NAA30: variants seen among roughly 807,000 people sequenced by gnomAD.
NAA30 encodes N-alpha-acetyltransferase 30, NatC catalytic subunit.
NAA30 carries 5 observed loss-of-function variants against 31.4 expected under a neutral mutation model. That is an observed-to-expected ratio of 0.16 (90% CI 0.08 to 0.33). The LOEUF is 0.33. NAA30 is among the 10% of genes least tolerant of loss of function. The pLI, the probability that NAA30 is intolerant of heterozygous loss-of-function variation, is 1.00. For synonymous variants in NAA30, 222 were observed against 207.1 expected (o/e 1.07, Z -0.62); for missense variants, 428 against 490.8 (o/e 0.87, Z 1.21).
intron 3 of NAA30, among the ~76,000 whole-genome samples, chr14:57,398,443 T>C (rs2066460311): frequency 6.6e-6 from 1 of 151,978 alleles, no homozygotes; most frequent in African/African-American, 2.4e-5. Context: ...GGCTTGAAAA[T>C]TAAGAGTTTT....
intron 3 of NAA30, among the ~76,000 whole-genome samples, chr14:57,397,485 G>C (rs2066456100): frequency 6.6e-6 from 1 of 152,122 alleles, no homozygotes; most frequent in Non-Finnish European, 1.5e-5. Flanking sequence ...ACATGTATTT[G>C]GGCCCCTCAC....
chr14:57,390,993 C>T lies in NAA30; in HGVS notation c.36C>T (p.Leu12=), dbSNP rs1000122064. The change falls in exon 2 of 5, where the codon CTC becomes CTT. Residue 12 remains leucine, a synonymous_variant. Transcript: ENST00000556492. ...AEVPPGPSSL[L]PPPAPPAPAA... ...TACCGCCTGGGCCTAGCAGCCTCCT[C>T]CCACCACCAGCACCTCCGGCCCCGG... is the stretch of plus-strand genomic sequence containing the variant. 3.3e-6 allele frequency: 5 copies of T among 1,495,760 alleles called. No homozygotes were observed. In the South Asian group the frequency reaches 6.9e-5, roughly 21 times the overall value. The allele number at this position is 1,495,760 out of a possible 1,614,324, so 92.7% of individuals were successfully genotyped here. A position where few individuals can be genotyped will look rare whatever the true frequency, so the allele number is the denominator to read the frequency against.
chr14:57,396,988 G>T, intron 3 of NAA30, 113 bp downstream of exon 3: 1 of 975,366 alleles, frequency 1.0e-6, no homozygotes, highest in Non-Finnish European at 1.4e-6. Context: ...ACTAAGGGAA[G>T]AAAATTAAGG....
At position 57,409,486 on chromosome 14, in the gene NAA30, T is replaced by C. The variant is rs1424953722; in HGVS notation, c.1059T>C (p.Asp353=). 1.1e-5 allele frequency: 17 copies of C among 1,607,386 alleles called. No individual in the cohort carries two copies. The South Asian group carries it at 1.9e-4, about 18-fold the overall frequency. The change falls in exon 5 of 5, where the codon GAT becomes GAC. Residue 353 remains aspartate, a synonymous_variant. Transcript: ENST00000556492. ...TCAGATACTATTTAAATGGAGTTGA[T>C]GCACTGCGACTTAAACTGTGGCTGC... ...RLFRYYLNGV[D]ALRLKLWLR
chr14:57,395,005 C>T (rs967856372), intron 2 of NAA30, among the ~76,000 whole-genome samples: 6 of 152,018 alleles, frequency 3.9e-5, no homozygotes, highest in East Asian at 1.9e-4. Context: ...TCTGTATATA[C>T]GCACATATAT....
At position 57,409,668 on chromosome 14, in the gene NAA30, CACT is replaced by C; in HGVS notation, c.*153_*155del. The C allele has an allele frequency of 1.5e-6, 1 of 657,610 alleles. No homozygotes were observed. Among genetic ancestry groups the C allele is most frequent in the Non-Finnish European group, 2.3e-6 (1 of 431,166 alleles). 40.7% of individuals were successfully genotyped at this position (657,610 alleles called of 1,614,324 possible). A position where few individuals can be genotyped will look rare whatever the true frequency, so the allele number is the denominator to read the frequency against. On this transcript the variant is annotated 3_prime_UTR_variant, in exon 5 of 5. Coordinates refer to ENST00000556492, the MANE Select transcript of NAA30 (RefSeq NM_001011713.3). Reference sequence around the variant, plus strand: ...ATTGAGTGTCGCACAATATTTGTTGCACTTTGGCATGGCACATTTGTTCTGAAT... The same window carrying C: ...ATTGAGTGTCGCACAATATTTGTTGCTTGGCATGGCACATTTGTTCTGAAT...
At chr14:57,406,601 C>G (rs2066499133) in intron 4 of NAA30, among the ~76,000 whole-genome samples, 1 of 152,174 alleles carries the variant, frequency 6.6e-6, no homozygotes, top group Non-Finnish European at 1.5e-5. Flanking sequence ...TTACATTGCA[C>G]ATAGTACAGC....
Position 57,391,699 on chromosome 14 carries a change from A to G in NAA30, c.742A>G (p.Ile248Val), listed in dbSNP as rs765689678. The G allele has an allele frequency of 6.2e-7, 1 of 1,611,774 alleles. No individual in the cohort carries two copies. The highest frequency in any genetic ancestry group is 8.5e-7 in the Non-Finnish European group (1 of 1,178,732). Residue 248 changes from isoleucine (I) to valine (V), a missense_variant, in exon 2 of 5, where the codon ATC becomes GTC. Ile to Val is a conservative substitution (Grantham distance 29, BLOSUM62 3). Transcript: ENST00000556492. The surrounding 1 kb of genome is among the most constrained non-coding windows in gnomAD (Gnocchi z 4.1). Reference sequence around the variant, plus strand: ...CTCCATTTATACCTATAGATATTTTATCCACAACTGGCCACAGCTGTGCTT... The same window carrying G: ...CTCCATTTATACCTATAGATATTTTGTCCACAACTGGCCACAGCTGTGCTT... ...PYSIYTYRYF[I>V]HNWPQLCFLA...
At position 57,391,812 on chromosome 14, in the gene NAA30, G is replaced by GC; in HGVS notation, c.771+84_771+85insC. Reference sequence around the variant, plus strand: ...GGGAGTGAGGGCCCAGAATGTGGCAGTGGATATCTCCTGCTGCGTATCATA... The same window carrying GC: ...GGGAGTGAGGGCCCAGAATGTGGCAGCTGGATATCTCCTGCTGCGTATCATA... On this transcript the variant is annotated intron_variant, in intron 2 of 4. Coordinates refer to ENST00000556492, the MANE Select transcript of NAA30 (RefSeq NM_001011713.3). The surrounding 1 kb of genome is among the most constrained non-coding windows in gnomAD (Gnocchi z 4.1). 1.9e-6 allele frequency: 2 copies of GC among 1,037,274 alleles called. No homozygotes were observed. The highest frequency in any genetic ancestry group is 1.6e-5 in the African/African-American group (1 of 62,746). The allele number at this position is 1,037,274 out of a possible 1,614,324, so 64.3% of individuals were successfully genotyped here.
rs2066533434 is a variant in NAA30 at position 57,413,626 on chromosome 14, G to A, written c.*4110G>A. On this transcript the variant is annotated 3_prime_UTR_variant, in exon 5 of 5. Coordinates refer to ENST00000556492, the MANE Select transcript of NAA30 (RefSeq NM_001011713.3). ...TGTGCCTTAGCCTCCTGAGTAGCTG[G>A]GACTACAGGTGCATGCCACCACGCC... 6.6e-6 allele frequency: 1 copy of A among 152,178 alleles called. No individual in the cohort carries two copies. Among genetic ancestry groups the A allele is most frequent in the Non-Finnish European group, 1.5e-5 (1 of 68,112 alleles). The allele number at this position is 152,178 out of a possible 1,614,324, so 9.4% of individuals were successfully genotyped here. A position where few individuals can be genotyped will look rare whatever the true frequency, so the allele number is the denominator to read the frequency against.
At chr14:57,390,731 T>G in intron 1 of NAA30, 26 bp downstream of exon 1, 1 of 410,110 alleles carries the variant, frequency 2.4e-6, no homozygotes, top group Non-Finnish European at 4.2e-6. Context: ...GGGCCGCGAG[T>G]GACAGGGCTG....
chr14:57,414,958 TG>T lies in NAA30; in HGVS notation c.*5447del, dbSNP rs1470750803. On this transcript the variant is annotated 3_prime_UTR_variant, in exon 5 of 5. Transcript: ENST00000556492. The stretch of plus-strand genomic sequence containing the variant: ...ATACTACTATTTAAACTATGCAATA[TG>T]GGGGTTATAATGAAATAGTTTTAGT... 6.6e-6 allele frequency: 1 copy of T among 152,194 alleles called. No homozygotes were observed. Among genetic ancestry groups the T allele is most frequent in the African/African-American group, 2.4e-5 (1 of 41,452 alleles). The allele number at this position is 152,194 out of a possible 1,614,324, so 9.4% of individuals were successfully genotyped here.
chr14:57,406,661 G>C (rs1032030487), intron 4 of NAA30, among the ~76,000 whole-genome samples: 2 of 152,038 alleles, frequency 1.3e-5, no homozygotes, highest in African/African-American at 4.8e-5. Flanking sequence ...TTTTATTTAC[G>C]TGAAATCAAT....
At chr14:57,403,259 T>TA (rs397773612) in intron 4 of NAA30, among the ~76,000 whole-genome samples, 1 of 150,484 alleles carries the variant, frequency 6.6e-6, no homozygotes, top group Non-Finnish European at 1.5e-5. Flanking sequence ...AAAGATACAT[T>TA]GGAAATCTCT....
intron 2 of NAA30, among the ~76,000 whole-genome samples, chr14:57,395,876 G>A (rs1057506062): frequency 2.6e-5 from 4 of 152,050 alleles, no homozygotes; most frequent in African/African-American, 9.7e-5. Context: ...TGCTTTTTCT[G>A]AAAATTTTTA....
chr14:57,392,588 T>C (rs2066434318), intron 2 of NAA30, among the ~76,000 whole-genome samples: 1 of 152,212 alleles, frequency 6.6e-6, no homozygotes, highest in Admixed American at 6.5e-5. Context: ...TATTGACCCA[T>C]TTCAGTCTGT....
At chr14:57,405,980 C>T (rs529947008) in intron 4 of NAA30, among the ~76,000 whole-genome samples, 1 of 151,968 alleles carries the variant, frequency 6.6e-6, no homozygotes, top group Admixed American at 6.6e-5. Flanking sequence ...TCTTTAGGAC[C>T]AAAATAACTT....
chr14:57,409,603 AT>A lies in NAA30; in HGVS notation c.*90del. ...TTGTACAGAATTGCTTTGCAGGTGG[AT>A]TTAGTAATTTCCATGCAGCTCTTAC... On this transcript the variant is annotated 3_prime_UTR_variant, in exon 5 of 5. Coordinates refer to ENST00000556492, the MANE Select transcript of NAA30 (RefSeq NM_001011713.3). 1 of 1,344,776 alleles carries A rather than the reference AT, an allele frequency of 7.4e-7. No homozygotes were observed. The highest frequency in any genetic ancestry group is 9.9e-7 in the Non-Finnish European group (1 of 1,008,158). 83.3% of individuals were successfully genotyped at this position (1,344,776 alleles called of 1,614,324 possible).
intron 4 of NAA30, among the ~76,000 whole-genome samples, chr14:57,402,742 G>A (rs1342307987): frequency 6.6e-6 from 1 of 152,154 alleles, no homozygotes; most frequent in Admixed American, 6.5e-5. Context: ...CTTTTAAAGG[G>A]TTTAGAAATT....
Sources: allele counts gnomAD v4.1 joint callset (sites outside exome capture counted in the v4.1 genomes callset), GRCh38; gene constraint gnomAD v4.1.1; non-coding constraint Gnocchi (gnomAD v3.1); transcripts MANE v1.5; gene names NCBI Gene and HGNC (gene_info 2026-07-23, HGNC 2026-07-21).